The following MON2 variants were observed in gnomAD, a reference collection of about 807,000 sequenced individuals.
MON2 encodes the protein MON2 regulator of endosome-to-Golgi trafficking.
MON2 carries 84 observed loss-of-function variants against 208.6 expected under a neutral mutation model. The observed-to-expected ratio is 0.40, with a 90% CI of 0.34 to 0.48. MON2 has a LOEUF of 0.48. Ranked by LOEUF, MON2 falls within the 20% of genes least tolerant of loss-of-function variation. The pLI, the probability that MON2 is intolerant of heterozygous loss-of-function variation, is 0.59. For missense variants in MON2, 1,611 were observed against 2,015.4 expected, an observed-to-expected ratio of 0.80 and a Z score of 3.84; for synonymous variants, 660 against 694.0, an observed-to-expected ratio of 0.95 and a Z score of 0.77.
intron 1 of MON2, among the ~76,000 whole-genome samples, chr12:62,476,287 A>G (rs556916056): frequency 8.5e-5 from 13 of 152,208 alleles, no homozygotes; most frequent in Non-Finnish European, 1.9e-4. Context: ...AGGGTGTTCT[A>G]GATGTATCAA....
Position 62,466,910 on chromosome 12 carries a change from T to G in MON2, c.-298T>G. 4.2e-6 allele frequency: 2 copies of G among 480,212 alleles called. No homozygotes were observed. The highest frequency in any genetic ancestry group is 3.7e-6 in the Non-Finnish European group (1 of 271,432). 29.7% of individuals were successfully genotyped at this position (480,212 alleles called of 1,614,324 possible). On this transcript the variant is annotated 5_prime_UTR_variant, in exon 1 of 35. Coordinates refer to ENST00000393630, the MANE Select transcript of MON2 (RefSeq NM_015026.3). ...TGCCAGGTTGGCTGGTGACACCCGG[T>G]GTGGCTGGGCCCCGCGGCAGCGGAG...
chr12:62,504,810 G>A (rs2071021323), intron 7 of MON2, among the ~76,000 whole-genome samples: 1 of 152,226 alleles, frequency 6.6e-6, no homozygotes, highest in Non-Finnish European at 1.5e-5. Context: ...TTCTAATGGG[G>A]AGACAGATTT....
rs749679342 is a variant in MON2 at position 62,532,527 on chromosome 12, G to T, written c.1490G>T (p.Arg497Leu). The stretch of plus-strand genomic sequence containing the variant: ...TTCCATTGTTTGCTAGACCTTGTTC[G>T]TGGAATCACAAGTATGATTGAAGGA... ...VAFHCLLDLVRGITSMIEGEL... is the reference protein window; with the variant it reads ...VAFHCLLDLVLGITSMIEGEL... The change falls in exon 12 of 35, where the codon CGT (arginine) becomes CTT (leucine). Residue 497 changes from arginine to leucine, a missense_variant. Arg to Leu is a moderately radical substitution (Grantham distance 102). Coordinates refer to ENST00000393630, the MANE Select transcript of MON2 (RefSeq NM_015026.3). The T allele has an allele frequency of 6.2e-7, 1 of 1,613,894 alleles. No homozygotes were observed. The highest frequency in any genetic ancestry group is 8.5e-7 in the Non-Finnish European group (1 of 1,179,976).
chr12:62,546,289 G>T (rs189363959), intron 21 of MON2, among the ~76,000 whole-genome samples: 1 of 152,042 alleles, frequency 6.6e-6, no homozygotes, highest in East Asian at 1.9e-4. Context: ...TTCCTTTAGT[G>T]AAATTTATTT....
At chr12:62,493,006 GAC>G (rs2070256140) in intron 2 of MON2, among the ~76,000 whole-genome samples, 1 of 150,342 alleles carries the variant, frequency 6.7e-6, no homozygotes, top group South Asian at 2.1e-4. Context: ...AAACCAAAAA[GAC>G]ACACACAGAC....
rs6581453 is a variant in MON2 at position 62,536,053 on chromosome 12, A to G, written c.1900+344A>G. ...TATGCAAATAAATGCATAAGTATAT[A>G]TAATATAAATATTCAAAAATCTGAA... On this transcript the variant is annotated intron_variant, in intron 14 of 34. Transcript: ENST00000393630. Among the ~76,000 whole-genome samples the G allele has an allele frequency of 2.6e-3, 399 of 152,314 alleles. 2 individuals are homozygous for G. Among genetic ancestry groups the G allele is most frequent in the African/African-American group, 8.8e-3 (365 of 41,570 alleles).
At chr12:62,558,167 G>A (rs185533655) in intron 25 of MON2, among the ~76,000 whole-genome samples, 2 of 150,586 alleles carry the variant, frequency 1.3e-5, no homozygotes, top group African/African-American at 4.9e-5. Context: ...TAGTAGAAAC[G>A]GGATTTCTTC....
chr12:62,526,587 A>T (rs1171858235), intron 11 of MON2, among the ~76,000 whole-genome samples: 1 of 152,086 alleles, frequency 6.6e-6, no homozygotes, highest in Non-Finnish European at 1.5e-5. Flanking sequence ...AACACATGAA[A>T]ATTTTAGTTT....
intron 24 of MON2, among the ~76,000 whole-genome samples, 182 bp from the exon 25 acceptor site, chr12:62,555,807 TAAAAA>T (rs36090980): frequency 8.3e-6 from 1 of 120,290 alleles, no homozygotes. Flanking sequence ...AGACTCCATC[TAAAAA>T]AAAAAAAAAA....
At position 62,556,042 on chromosome 12, in the gene MON2, G is replaced by A; in HGVS notation, c.3259G>A (p.Asp1087Asn). The change falls in exon 25 of 35, where the codon GAC becomes AAC. Residue 1087 changes from aspartate to asparagine, a missense_variant. Transcript: ENST00000393630. ...AGTTCGAGAGTCCTCTACCACTGCA[G>A]ACAAAGAAAAGATTGAGTCTGGAGG... is the stretch of plus-strand genomic sequence containing the variant. ...DRVRESSTTA[D>N]KEKIESGGGN... 6.2e-7 allele frequency: 1 copy of A among 1,613,622 alleles called. No homozygotes were observed. Among genetic ancestry groups the A allele is most frequent in the Admixed American group, 1.7e-5 (1 of 59,986 alleles).
At chr12:62,574,203 T>G (rs1228214233) in intron 30 of MON2, among the ~76,000 whole-genome samples, 1 of 152,218 alleles carries the variant, frequency 6.6e-6, no homozygotes, top group African/African-American at 2.4e-5. Context: ...GTAAGTACTT[T>G]AAAATGCTTG....
intron 30 of MON2, among the ~76,000 whole-genome samples, chr12:62,577,952 T>C (rs1268485306): frequency 6.6e-6 from 1 of 152,138 alleles, no homozygotes; most frequent in Non-Finnish European, 1.5e-5. Flanking sequence ...AAAATCTGCA[T>C]CAGTCTTCTT....
chr12:62,528,505 G>A (rs532925164), intron 11 of MON2, among the ~76,000 whole-genome samples: 26 of 152,270 alleles, frequency 1.7e-4, no homozygotes, highest in Non-Finnish European at 3.1e-4. Flanking sequence ...TGGAATTTAT[G>A]CAGTAATTCT....
rs540196242 is a variant in MON2 at position 62,512,523 on chromosome 12, G to A, written c.984+4043G>A. ...ACATCCAGATCACACCGATGCAAGAGGAGGGTTCCCATGGTCTTGGGCAGC... is the reference window on the plus strand; with the variant it reads ...ACATCCAGATCACACCGATGCAAGAAGAGGGTTCCCATGGTCTTGGGCAGC... On this transcript the variant is annotated intron_variant, in intron 8 of 34. Transcript: ENST00000393630. Among the ~76,000 whole-genome samples the A allele has an allele frequency of 1.9e-3, 284 of 152,308 alleles. 1 individual carries two copies. The highest frequency in any genetic ancestry group is 2.9e-3 in the Non-Finnish European group (200 of 68,028).
intron 22 of MON2, among the ~76,000 whole-genome samples, chr12:62,549,179 A>G (rs967811072): frequency 6.6e-6 from 1 of 151,894 alleles, no homozygotes; most frequent in Admixed American, 6.6e-5. Context: ...TGTTTTTGTT[A>G]ATTTGTTTAA....
At chr12:62,576,988 C>T (rs1441995617) in intron 30 of MON2, among the ~76,000 whole-genome samples, 1 of 151,448 alleles carries the variant, frequency 6.6e-6, no homozygotes, top group African/African-American at 2.4e-5. Context: ...TAGAAATATA[C>T]ACACTAATAA....
Position 62,594,298 on chromosome 12 carries a change from G to A in MON2, c.*1549G>A, listed in dbSNP as rs1432517310. ...GTCATGATTGAGATACAGTTTTGAG[G>A]CTATTATAATTGTATAATTATTTAA... is the stretch of plus-strand genomic sequence containing the variant. On this transcript the variant is annotated 3_prime_UTR_variant, in exon 35 of 35. Coordinates refer to ENST00000393630, the MANE Select transcript of MON2 (RefSeq NM_015026.3). 1 of 152,048 alleles carries A rather than the reference G, an allele frequency of 6.6e-6. No homozygotes were observed. Among genetic ancestry groups the A allele is most frequent in the Non-Finnish European group, 1.5e-5 (1 of 67,968 alleles). 9.4% of individuals were successfully genotyped at this position (152,048 alleles called of 1,614,324 possible).
intron 8 of MON2, among the ~76,000 whole-genome samples, chr12:62,516,437 G>A (rs2136147093): frequency 6.6e-6 from 1 of 152,282 alleles, no homozygotes; most frequent in African/African-American, 2.4e-5. Context: ...AGGCGCCATG[G>A]CTCACGCTTG....
intron 14 of MON2, among the ~76,000 whole-genome samples, chr12:62,536,205 C>A: frequency 7.1e-6 from 1 of 139,952 alleles, no homozygotes. Context: ...TATGAGATAC[C>A]ATTGAAATGG....
Sources: gnomAD v4.1 joint callset for allele counts (sites outside exome capture counted in the v4.1 genomes callset) on GRCh38, gnomAD v4.1.1 for gene constraint, MANE v1.5 for transcripts, NCBI Gene and HGNC (gene_info 2026-07-23, HGNC 2026-07-21) for gene names.